Variants in CPSF7 observed in about 807,000 individuals in gnomAD.
The protein encoded by CPSF7 is cleavage and polyadenylation specific factor 7, also known as cleavage and polyadenylation specificity factor subunit 7.
A neutral mutation model predicts 44.3 loss-of-function variants in CPSF7; 1 was observed. That is an observed-to-expected ratio of 0.02 (90% CI 0.01 to 0.11). The LOEUF (loss-of-function observed/expected upper bound fraction) is 0.11. Ranked by LOEUF, CPSF7 falls within the 10% of genes least tolerant of loss-of-function variation. CPSF7 has a pLI of 1.00. For synonymous variants in CPSF7, 202 were observed against 222.0 expected, an observed-to-expected ratio of 0.91 and a Z score of 0.80; for missense variants, 443 against 607.2, an observed-to-expected ratio of 0.73 and a Z score of 2.84.
rs115243600 is a variant in CPSF7, at chr11:61,414,709, G to A, written c.1057+957C>T. On this transcript the variant is annotated intron_variant, in intron 7 of 9. Transcript: ENST00000439958. ...TGGCTAATGTCACGATGTGAAAACC[G>A]GACCAGAACTCTGAAACTTCCTGTA... 2.3e-3 allele frequency among the ~76,000 whole-genome samples: 346 copies of A among 152,244 alleles called. 1 individual carries two copies. Among genetic ancestry groups the A allele is most frequent in the African/African-American group, 7.9e-3 (327 of 41,528 alleles).
intron 2 of CPSF7, chr11:61,428,804 T>A (rs978312569): frequency 1.3e-5 from 2 of 156,038 alleles, no homozygotes; most frequent in African/African-American, 4.8e-5. Context: ...CAGCTGCAGG[T>A]TGAGAATGTA....
intron 7 of CPSF7, among the ~76,000 whole-genome samples, chr11:61,413,114 G>A (rs1240423308): frequency 6.6e-6 from 1 of 151,926 alleles, no homozygotes; most frequent in Admixed American, 6.6e-5. Flanking sequence ...TTGTAGAGAT[G>A]GGGTCTCACT....
At position 61,415,706 on chromosome 11, in the gene CPSF7, G is replaced by A. The variant is rs1223895019; in HGVS notation, c.1017C>T (p.Ser339=). 1 of 1,614,090 alleles carries A rather than the reference G, an allele frequency of 6.2e-7. No homozygotes were observed. The highest frequency in any genetic ancestry group is 8.5e-7 in the Non-Finnish European group (1 of 1,179,926). ...ATACTGCTTTGGAAATGGCACTGCTGGAAATTGCTCTGTTTCGCTTCATGA... is the reference window on the plus strand; with the variant it reads ...ATACTGCTTTGGAAATGGCACTGCTAGAAATTGCTCTGTTTCGCTTCATGA... ...EDIMKRNRAI[S]SSAISKAVSG... The change falls in exon 7 of 10, where the codon TCC becomes TCT. Residue 339 remains serine (S), a synonymous_variant. Transcript: ENST00000439958.
At chr11:61,410,171 C>G (rs965902566) in intron 9 of CPSF7, among the ~76,000 whole-genome samples, 2 of 151,912 alleles carry the variant, frequency 1.3e-5, no homozygotes, top group African/African-American at 4.8e-5. Flanking sequence ...AATCACAGAT[C>G]ACTGCAGCCT....
At chr11:61,415,812 T>G (rs375587977) in intron 6 of CPSF7, 28 bp from the exon 7 acceptor site, 1 of 1,435,038 alleles carries the variant, frequency 7.0e-7, no homozygotes, top group African/African-American at 1.4e-5. Flanking sequence ...CATCCTTGAT[T>G]GCTCACATCC....
At chr11:61,416,657 CT>C (rs770238106) in intron 5 of CPSF7, 138 bp from the exon 6 acceptor site, 259 of 846,514 alleles carry the variant, frequency 3.1e-4, no homozygotes, top group Admixed American at 5.0e-4. Flanking sequence ...CATCTACTGC[CT>C]TTTTTTTGGC....
rs937636613 is a variant in CPSF7 at position 61,403,362 on chromosome 11, C to G, written c.*1348G>C. ...AGAAGTAGCATCACCCCATGGGTAC[C>G]GCAGGACCTCGCTGCTGCCTCCTCC... On this transcript the variant is annotated 3_prime_UTR_variant, in exon 10 of 10. Coordinates refer to ENST00000439958, the MANE Select transcript of CPSF7 (RefSeq NM_001142565.3). 2 of 152,136 alleles carry G rather than the reference C, an allele frequency of 1.3e-5. No homozygotes were observed. The highest frequency in any genetic ancestry group is 2.9e-5 in the Non-Finnish European group (2 of 68,026). The allele number at this position is 152,136 out of a possible 1,614,324, so 9.4% of individuals were successfully genotyped here. A position where few individuals can be genotyped will look rare whatever the true frequency, so the allele number is the denominator to read the frequency against.
chr11:61,419,813 C>G (rs1860697019), intron 5 of CPSF7, 136 bp downstream of exon 5: 1 of 1,077,736 alleles, frequency 9.3e-7, no homozygotes, highest in South Asian at 1.6e-5. Context: ...TGACACCACT[C>G]ACAACCACCA....
chr11:61,427,768 TTGG>T, intron 2 of CPSF7, among the ~76,000 whole-genome samples: 1 of 152,188 alleles, frequency 6.6e-6, no homozygotes, highest in African/African-American at 2.4e-5. Flanking sequence ...AAAAGTATAA[TTGG>T]TGAAGCTGTA....
intron 9 of CPSF7, among the ~76,000 whole-genome samples, chr11:61,406,590 A>G (rs2135237536): frequency 6.6e-6 from 1 of 152,362 alleles, no homozygotes; most frequent in South Asian, 2.1e-4. Flanking sequence ...GTGAGGAAGT[A>G]GAAAACCTGC....
chr11:61,411,888 G>A lies in CPSF7; in HGVS notation c.1107C>T (p.Ile369=), dbSNP rs771447715. The stretch of plus-strand genomic sequence containing the variant: ...CATCATTGGCAACCCGGGACTGTTT[G>A]ATAACCGCAATGGCTGTGAGCAGCG... The part of the protein sequence containing the change: ...IETLLTAIAV[I]KQSRVANDER... Residue 369 remains isoleucine, a synonymous_variant, in exon 8 of 10, where the codon ATC becomes ATT. Transcript: ENST00000439958. 3 of 1,614,222 alleles carry A rather than the reference G, an allele frequency of 1.9e-6. No individual in the cohort carries two copies. The highest frequency in any genetic ancestry group is 1.1e-5 in the South Asian group (1 of 91,086).
At position 61,403,180 on chromosome 11, in the gene CPSF7, T is replaced by C. The variant is rs1339313268; in HGVS notation, c.*1530A>G. On this transcript the variant is annotated 3_prime_UTR_variant, in exon 10 of 10. Coordinates refer to ENST00000439958, the MANE Select transcript of CPSF7 (RefSeq NM_001142565.3). Reference sequence around the variant, plus strand: ...GGACTCCCTCAGTGACTGAGGGCTATATGAGAAACGTGCTGGGAACAGAGG... The same window carrying C: ...GGACTCCCTCAGTGACTGAGGGCTACATGAGAAACGTGCTGGGAACAGAGG... 1 of 152,450 alleles carries C rather than the reference T, an allele frequency of 6.6e-6. No individual in the cohort carries two copies. Among genetic ancestry groups the C allele is most frequent in the Non-Finnish European group, 1.5e-5 (1 of 68,022 alleles). 9.4% of individuals were successfully genotyped at this position (152,450 alleles called of 1,614,324 possible). A position where few individuals can be genotyped will look rare whatever the true frequency, so the allele number is the denominator to read the frequency against.
At position 61,410,954 on chromosome 11, in the gene CPSF7, G is replaced by A. The variant is rs768027418; in HGVS notation, c.1378C>T (p.Arg460Trp). Residue 460 changes from arginine (R) to tryptophan (W), a missense_variant, in exon 9 of 10, where the codon CGG (arginine) becomes TGG (tryptophan). Physicochemically the swap from Arg to Trp is moderately radical, Grantham distance 101. Transcript: ENST00000439958. ...HERHRDRERDRHH is the reference protein window; with the variant it reads ...HERHRDRERDWHH The stretch of plus-strand genomic sequence containing the variant: ...TCTCCCCACCTTTCTCAGTGGTGCC[G>A]GTCCCGTTCTCTATCCCGGTGTCTC... The A allele has an allele frequency of 2.5e-6, 4 of 1,607,814 alleles. No individual in the cohort carries two copies. Among genetic ancestry groups the A allele is most frequent in the Middle Eastern group, 1.7e-4 (1 of 6,056 alleles).
intron 7 of CPSF7, among the ~76,000 whole-genome samples, chr11:61,413,575 G>A (rs1860042416): frequency 6.6e-6 from 1 of 150,844 alleles, no homozygotes; most frequent in Non-Finnish European, 1.5e-5. Context: ...AGGTTGCAGT[G>A]AGTCGGGATC....
At chr11:61,428,808 G>A (rs542916114) in intron 2 of CPSF7, 4 of 156,586 alleles carry the variant, frequency 2.6e-5, no homozygotes, top group Admixed American at 6.5e-5. Flanking sequence ...TGCAGGTTGA[G>A]AATGTAAAGG....
chr11:61,427,684 T>C (rs930819213), intron 2 of CPSF7, among the ~76,000 whole-genome samples: 1 of 149,636 alleles, frequency 6.7e-6, no homozygotes, highest in Admixed American at 6.6e-5. Flanking sequence ...GGAAAATTCA[T>C]CTATTTAAGA....
In CPSF7 at chr11:61,411,851, C is replaced by T. The variant is rs1859876473; in HGVS notation, c.1144G>A (p.Val382Ile). 1 of 1,613,826 alleles carries T rather than the reference C, an allele frequency of 6.2e-7. No individual in the cohort carries two copies. The highest frequency in any genetic ancestry group is 1.3e-5 in the African/African-American group (1 of 74,908). Residue 382 changes from valine (V) to isoleucine (I), a missense_variant, in exon 8 of 10, where the codon GTC becomes ATC. By Grantham distance (29) the Val-to-Ile change is conservative (BLOSUM62 3). Transcript: ENST00000439958. Reference sequence around the variant, plus strand: ...CAGTCCTTAAGAGAGGAGATGAGGACACGGCAACGCTCATCATTGGCAACC... The same window carrying T: ...CAGTCCTTAAGAGAGGAGATGAGGATACGGCAACGCTCATCATTGGCAACC... ...SRVANDERCR[V>I]LISSLKDCLH... is the part of the protein sequence containing the mutation.
intron 7 of CPSF7, among the ~76,000 whole-genome samples, chr11:61,414,192 C>T (rs1437767435): frequency 6.7e-6 from 1 of 150,224 alleles, no homozygotes; most frequent in Non-Finnish European, 1.5e-5. Flanking sequence ...CTCTGTTACC[C>T]AGGCTGGAGT....
At chr11:61,414,510 T>C (rs1860139244) in intron 7 of CPSF7, among the ~76,000 whole-genome samples, 1 of 152,186 alleles carries the variant, frequency 6.6e-6, no homozygotes, top group Non-Finnish European at 1.5e-5. Context: ...GAAGGGAACA[T>C]ATGTACTTTC....
Sources: gnomAD v4.1 joint callset for allele counts (sites outside exome capture counted in the v4.1 genomes callset) on GRCh38, gnomAD v4.1.1 for gene constraint, MANE v1.5 for transcripts, NCBI Gene and HGNC (gene_info 2026-07-23, HGNC 2026-07-21) for gene names.